Variants in MBD5 observed in about 807,000 individuals in gnomAD.
The protein encoded by MBD5 is methyl-CpG-binding domain protein 5.
In MBD5, 13 loss-of-function variants were observed where a neutral mutation model predicts 117.3. The ratio of observed to expected loss-of-function variants is 0.11; its 90% confidence interval spans 0.07 to 0.18. The LOEUF (loss-of-function observed/expected upper bound fraction) is 0.18, where lower values mean the gene tolerates loss of function less well. Ranked by LOEUF, MBD5 falls within the 10% of genes least tolerant of loss-of-function variation. The probability of loss-of-function intolerance (pLI) is 1.00; values close to 1 mark genes in which losing one functional copy is unlikely to be tolerated. For synonymous variants in MBD5, 727 were observed against 766.4 expected, an observed-to-expected ratio of 0.95 and a Z score of 0.85; for missense variants, 1,879 against 2,093.8, an observed-to-expected ratio of 0.90 and a Z score of 2.00.
chr2:148,165,504 A>G (rs762078705), intron 1 of MBD5, among the ~76,000 whole-genome samples: 8 of 152,034 alleles, frequency 5.3e-5, no homozygotes, highest in Non-Finnish European at 1.2e-4. Flanking sequence ...TTTTTGTTTC[A>G]GTTACTAATG....
chr2:148,482,375 G>A (rs756317332), intron 8 of MBD5, among the ~76,000 whole-genome samples: 1 of 151,968 alleles, frequency 6.6e-6, no homozygotes, highest in Non-Finnish European at 1.5e-5. Context: ...AAATGGTTCT[G>A]TAGCTATATA....
chr2:148,168,963 G>T (rs1178979533), intron 1 of MBD5, among the ~76,000 whole-genome samples: 1 of 148,060 alleles, frequency 6.8e-6, no homozygotes, highest in African/African-American at 2.5e-5. Flanking sequence ...GTATATATAG[G>T]ATATATATAC....
intron 1 of MBD5, among the ~76,000 whole-genome samples, chr2:148,110,786 A>G (rs1411651974): frequency 1.3e-5 from 2 of 150,038 alleles, no homozygotes; most frequent in East Asian, 2.0e-4. Context: ...TTTTTTTCCT[A>G]TGGTTGATTT....
rs1426514988 is a variant in MBD5 at position 148,470,281 on chromosome 2, C to G, written c.2338C>G (p.Leu780Val). The G allele has an allele frequency of 6.2e-7, 1 of 1,613,864 alleles. No homozygotes were observed. Among genetic ancestry groups the G allele is most frequent in the African/African-American group, 1.3e-5 (1 of 74,902 alleles). ...HSNSPVPNHHLAGLINQIQAS... is the reference protein window; with the variant it reads ...HSNSPVPNHHVAGLINQIQAS... ...TAACAGTCCAGTCCCCAACCACCAT[C>G]TTGCAGGTTTAATAAATCAGATTCA... Residue 780 changes from leucine (L) to valine (V), a missense_variant, in exon 8 of 14, where the codon CTT (leucine) becomes GTT (valine). Coordinates refer to ENST00000642680, the MANE Select transcript of MBD5 (RefSeq NM_001378120.1).
chr2:148,384,318 C>G (rs371454314), intron 4 of MBD5, among the ~76,000 whole-genome samples: 18,992 of 152,012 alleles, frequency 0.12, 1,548 homozygotes, highest in Non-Finnish European at 0.19. Context: ...ACACCAATAA[C>G]AGACAAACAG....
chr2:148,392,192 A>G (rs975740647), intron 4 of MBD5, among the ~76,000 whole-genome samples: 1 of 152,188 alleles, frequency 6.6e-6, no homozygotes, highest in Non-Finnish European at 1.5e-5. Context: ...CATTATTGCT[A>G]TAGTTATTCT....
intron 1 of MBD5, among the ~76,000 whole-genome samples, chr2:148,049,567 A>G (rs933226295): frequency 6.6e-6 from 1 of 152,192 alleles, no homozygotes; most frequent in Non-Finnish European, 1.5e-5. Context: ...TCCACATAGC[A>G]TGAAATTTAC....
chr2:148,050,644 A>C (rs1037955073), intron 1 of MBD5, among the ~76,000 whole-genome samples: 1 of 152,132 alleles, frequency 6.6e-6, no homozygotes, highest in East Asian at 1.9e-4. Context: ...GAAAATTTAC[A>C]TTATATCTTG....
intron 3 of MBD5, among the ~76,000 whole-genome samples, chr2:148,294,501 G>GTTTTTTTTTTTTTTT (rs58961481): frequency 1.8e-5 from 2 of 113,254 alleles, no homozygotes; most frequent in African/African-American, 7.3e-5. Flanking sequence ...TGGGATTACA[G>GTTTTTTTTTTTTTTT]TTTTTTTTTT....
intron 10 of MBD5, among the ~76,000 whole-genome samples, chr2:148,487,485 AAT>A (rs1016562067): frequency 6.6e-6 from 1 of 152,194 alleles, no homozygotes; most frequent in African/African-American, 2.4e-5. Context: ...TCTTTATGAT[AAT>A]ATATATATCT....
intron 4 of MBD5, among the ~76,000 whole-genome samples, chr2:148,379,639 A>G (rs976717812): frequency 5.9e-5 from 9 of 152,236 alleles, no homozygotes; most frequent in African/African-American, 2.2e-4. Flanking sequence ...AAACACCATT[A>G]CTGCTGCTAT....
At chr2:148,442,899 C>G (rs531326956) in intron 4 of MBD5, among the ~76,000 whole-genome samples, 13 of 151,358 alleles carry the variant, frequency 8.6e-5, no homozygotes, top group Admixed American at 7.9e-4. Context: ...CAAATAGGAC[C>G]ACATCAAGTT....
intron 4 of MBD5, among the ~76,000 whole-genome samples, chr2:148,376,919 A>G (rs1279855746): frequency 6.9e-6 from 1 of 144,858 alleles, no homozygotes. Flanking sequence ...TATATTGAGT[A>G]TATAAATAGA....
At chr2:148,302,963 A>G (rs1312443123) in intron 3 of MBD5, among the ~76,000 whole-genome samples, 1 of 149,162 alleles carries the variant, frequency 6.7e-6, no homozygotes, top group Non-Finnish European at 1.5e-5. Flanking sequence ...TATACATTAT[A>G]TGTTATACAT....
chr2:148,462,514 A>T (rs920100597), intron 5 of MBD5, 68 bp from the exon 6 acceptor site: 3 of 991,934 alleles, frequency 3.0e-6, no homozygotes, highest in South Asian at 2.6e-5. Context: ...ACTATAAATT[A>T]TGCCTTTTTT....
intron 8 of MBD5, among the ~76,000 whole-genome samples, chr2:148,473,484 C>T (rs1002734030): frequency 1.6e-4 from 24 of 152,082 alleles, no homozygotes; most frequent in Non-Finnish European, 3.2e-4. Flanking sequence ...CTCAGGTGAC[C>T]TCTTGCTCAA....
chr2:148,299,279 C>T (rs1701727078), intron 3 of MBD5, among the ~76,000 whole-genome samples: 1 of 151,984 alleles, frequency 6.6e-6, no homozygotes, highest in Non-Finnish European at 1.5e-5. Context: ...AGGCATGCAC[C>T]ACCACACCCG....
chr2:148,092,998 A>C (rs911997429), intron 1 of MBD5, among the ~76,000 whole-genome samples: 1 of 151,878 alleles, frequency 6.6e-6, no homozygotes, highest in African/African-American at 2.4e-5. Context: ...GCTGACTGCA[A>C]CTTCTGCCTT....
chr2:148,272,389 A>T (rs1701006215), intron 3 of MBD5, among the ~76,000 whole-genome samples: 1 of 152,190 alleles, frequency 6.6e-6, no homozygotes, highest in Non-Finnish European at 1.5e-5. Context: ...ACTAATTAAC[A>T]TTTCTACTTA....
Sources: gnomAD v4.1 joint callset for allele counts (sites outside exome capture counted in the v4.1 genomes callset) on GRCh38, gnomAD v4.1.1 for gene constraint, MANE v1.5 for transcripts, NCBI Gene and HGNC (gene_info 2026-07-23, HGNC 2026-07-21) for gene names.